Variants in DIAPH2 observed in about 807,000 individuals in gnomAD.
The protein encoded by DIAPH2 is diaphanous related formin 2.
In DIAPH2, 35 loss-of-function variants were observed where a neutral mutation model predicts 92.7. That is an observed-to-expected ratio of 0.38 (90% confidence interval 0.29 to 0.50). The LOEUF (loss-of-function observed/expected upper bound fraction) is 0.50, where lower values mean the gene tolerates loss of function less well. Ranked by LOEUF, DIAPH2 falls within the 20% of genes least tolerant of loss-of-function variation. The pLI, the probability that DIAPH2 is intolerant of heterozygous loss-of-function variation, is 0.94. For missense variants in DIAPH2, 701 were observed against 819.5 expected, an observed-to-expected ratio of 0.86 and a Z score of 1.77; for synonymous variants, 301 against 280.4, an observed-to-expected ratio of 1.07 and a Z score of -0.73.
intron 17 of DIAPH2, among the ~76,000 whole-genome samples, chrX:97,013,921 G>A (rs2066243877): frequency 8.9e-6 from 1 of 112,192 alleles, no homozygotes; most frequent in Non-Finnish European, 1.9e-5. Flanking sequence ...GGCGGAATCA[G>A]TGAGCATTGA....
At chrX:97,142,877 G>A (rs1327918749) in intron 22 of DIAPH2, among the ~76,000 whole-genome samples, 1 of 111,345 alleles carries the variant, frequency 9.0e-6, no homozygotes, top group Non-Finnish European at 1.9e-5. Flanking sequence ...ATATAAACCT[G>A]TTAGTTTCCT....
At chrX:97,228,844 A>G (rs1220812244) in intron 22 of DIAPH2, among the ~76,000 whole-genome samples, 1 of 112,215 alleles carries the variant, frequency 8.9e-6, no homozygotes, top group African/African-American at 3.2e-5. Flanking sequence ...TGGTCTTTGC[A>G]AGATCAATGT....
intron 10 of DIAPH2, among the ~76,000 whole-genome samples, chrX:96,935,386 CTTAG>C (rs1439170382): frequency 9.0e-6 from 1 of 111,166 alleles, no homozygotes; most frequent in East Asian, 2.8e-4. Flanking sequence ...ACAGTAAGTT[CTTAG>C]TTAATGTCAT....
chrX:97,087,928 C>G (rs2066795325), intron 19 of DIAPH2, among the ~76,000 whole-genome samples: 2 of 111,207 alleles, frequency 1.8e-5, no homozygotes, highest in Non-Finnish European at 3.8e-5. Context: ...TGCATTCTTA[C>G]TGATTGAAGA....
chrX:96,926,368 T>A (rs770281214), intron 9 of DIAPH2, among the ~76,000 whole-genome samples: 2 of 111,955 alleles, frequency 1.8e-5, no homozygotes, highest in East Asian at 5.6e-4. Flanking sequence ...TGGAAATTTT[T>A]AAATGTCATT....
At chrX:97,431,653 A>G (rs1310513539) in intron 26 of DIAPH2, 3 of 112,673 alleles carry the variant, frequency 2.7e-5, no homozygotes, top group Admixed American at 9.4e-5. Flanking sequence ...TAAAAATATC[A>G]CTCGATTTAG....
intron 4 of DIAPH2, among the ~76,000 whole-genome samples, chrX:96,829,964 A>G (rs1174906897): frequency 9.1e-6 from 1 of 109,885 alleles, no homozygotes; most frequent in African/African-American, 3.3e-5. Flanking sequence ...AATAGCCAGG[A>G]AAAAACTGGA....
chrX:96,950,193 A>G (rs1294439151), intron 15 of DIAPH2, among the ~76,000 whole-genome samples: 1 of 110,922 alleles, frequency 9.0e-6, no homozygotes, highest in Non-Finnish European at 1.9e-5. Context: ...ACCTTCCACA[A>G]TATTCTGTCC....
At chrX:97,363,856 T>C (rs2069353092) in intron 24 of DIAPH2, among the ~76,000 whole-genome samples, 1 of 110,564 alleles carries the variant, frequency 9.0e-6, no homozygotes, top group African/African-American at 3.3e-5. Flanking sequence ...TAAAAGCATA[T>C]TTTTAGTGCC....
At chrX:97,038,012 A>G (rs2066422481) in intron 17 of DIAPH2, among the ~76,000 whole-genome samples, 2 of 110,587 alleles carry the variant, frequency 1.8e-5, no homozygotes, top group African/African-American at 6.6e-5. Context: ...CCTTCTCCCA[A>G]CCTACCCCCT....
At chrX:97,082,292 G>T (rs1383843950) in intron 19 of DIAPH2, among the ~76,000 whole-genome samples, 1 of 108,446 alleles carries the variant, frequency 9.2e-6, no homozygotes, top group Non-Finnish European at 1.9e-5. Context: ...GAAATTAGAC[G>T]ATGGTCAGGG....
intron 4 of DIAPH2, 76 bp from the exon 5 acceptor site, chrX:96,881,499 AAAAT>A (rs1368843734): frequency 1.6e-5 from 14 of 881,692 alleles, no homozygotes; most frequent in East Asian, 3.5e-5. Flanking sequence ...TTTATATAAC[AAAAT>A]AAATATTCTA....
At chrX:96,708,358 C>T (rs1364293218) in intron 1 of DIAPH2, among the ~76,000 whole-genome samples, 3 of 108,017 alleles carry the variant, frequency 2.8e-5, no homozygotes, top group Admixed American at 9.9e-5. Context: ...TTCTCTGCCT[C>T]AGCCTCCCAA....
chrX:97,343,863 G>A (rs1052977436), intron 23 of DIAPH2, among the ~76,000 whole-genome samples: 1 of 110,973 alleles, frequency 9.0e-6, no homozygotes, highest in African/African-American at 3.3e-5. Context: ...GCCACATGAA[G>A]GTCACTATTA....
chrX:96,787,707 T>TTTA (rs368119520), intron 4 of DIAPH2, among the ~76,000 whole-genome samples: 50 of 94,184 alleles, frequency 5.3e-4, no homozygotes, highest in Non-Finnish European at 8.9e-4. Flanking sequence ...TTTTTTTTTT[T>TTTA]TGAGACAGAG....
chrX:97,045,693 G>C (rs1384067120), intron 17 of DIAPH2, among the ~76,000 whole-genome samples: 5 of 110,739 alleles, frequency 4.5e-5, no homozygotes, highest in Non-Finnish European at 9.4e-5. Flanking sequence ...GCTACTAAGA[G>C]TTTGAACTAG....
rs1318903055 is a variant in DIAPH2, at chrX:97,603,931, T to TTTG, written c.*4617_*4619dup. The TTTG allele has an allele frequency of 8.9e-6, 1 of 112,396 alleles. No homozygotes were observed. The highest frequency in any genetic ancestry group is 3.2e-5 in the African/African-American group (1 of 30,896). The allele number at this position is 112,396 out of a possible 1,213,427, so 9.3% of individuals were successfully genotyped here. A position where few individuals can be genotyped will look rare whatever the true frequency, so the allele number is the denominator to read the frequency against. Reference sequence around the variant, plus strand: ...AAAGCCTTTTTCACATTTTAAGACATTTGTTACAGAAGTACCCAATCCGTC... The same window carrying TTTG: ...AAAGCCTTTTTCACATTTTAAGACATTTGTTGTTACAGAAGTACCCAATCCGTC... On this transcript the variant is annotated 3_prime_UTR_variant, in exon 27 of 27. Transcript: ENST00000324765.
At chrX:97,576,161 G>T (rs1042930774) in intron 26 of DIAPH2, among the ~76,000 whole-genome samples, 1 of 111,044 alleles carries the variant, frequency 9.0e-6, no homozygotes, top group East Asian at 2.8e-4. Flanking sequence ...GACCATGCAC[G>T]CTTCTTCATG....
intron 17 of DIAPH2, among the ~76,000 whole-genome samples, chrX:96,991,068 C>A (rs966346435): frequency 3.6e-5 from 4 of 110,611 alleles, no homozygotes; most frequent in Non-Finnish European, 7.6e-5. Context: ...CATGCATCAA[C>A]TCATTTTATC....
Sources: allele counts gnomAD v4.1 joint callset (sites outside exome capture counted in the v4.1 genomes callset), GRCh38; gene constraint gnomAD v4.1.1; transcripts MANE v1.5; gene names NCBI Gene and HGNC (gene_info 2026-07-23, HGNC 2026-07-21).